SYT1: variants seen among roughly 807,000 people sequenced by gnomAD.
SYT1 encodes the protein synaptotagmin-1.
In SYT1, 8 loss-of-function variants were observed where a neutral mutation model predicts 44.8. The observed-to-expected ratio is 0.18, with a 90% CI of 0.10 to 0.32. SYT1 has a LOEUF of 0.32. SYT1 is among the 10% of genes least tolerant of loss of function. SYT1 has a pLI of 1.00. For synonymous variants in SYT1, 154 were observed against 188.8 expected (o/e 0.82, Z 1.51); for missense variants, 286 against 509.3 (o/e 0.56, Z 4.22).
chr12:79,060,326 A>C (rs969985660), intron 3 of SYT1, among the ~76,000 whole-genome samples: 1 of 151,920 alleles, frequency 6.6e-6, no homozygotes, highest in Non-Finnish European at 1.5e-5. Flanking sequence ...AATATATATA[A>C]CATCAAATTT....
intron 8 of SYT1, among the ~76,000 whole-genome samples, chr12:79,342,505 A>G (rs368015742): frequency 1.4e-4 from 22 of 152,328 alleles, no homozygotes; most frequent in African/African-American, 5.3e-4. Flanking sequence ...TGCGGGGATT[A>G]TAGGAGTGAG....
intron 1 of SYT1, among the ~76,000 whole-genome samples, chr12:78,876,846 A>G (rs11111697): frequency 1.5e-3 from 60 of 41,054 alleles, no homozygotes; most frequent in African/African-American, 9.0e-3. Context: ...TATATAATAT[A>G]TATTATATAT....
chr12:79,026,178 A>G (rs892281012), intron 2 of SYT1, among the ~76,000 whole-genome samples: 2 of 151,696 alleles, frequency 1.3e-5, no homozygotes, highest in African/African-American at 4.8e-5. Flanking sequence ...CAGATTGCTT[A>G]CAGCAGTTTA....
intron 4 of SYT1, among the ~76,000 whole-genome samples, chr12:79,280,164 A>T (rs1047912384): frequency 2.0e-5 from 3 of 152,154 alleles, no homozygotes; most frequent in Non-Finnish European, 4.4e-5. Flanking sequence ...TATGGAACCA[A>T]AAAAGAGCCT....
chr12:79,010,685 C>T (rs1214632742), intron 2 of SYT1, among the ~76,000 whole-genome samples: 1 of 152,140 alleles, frequency 6.6e-6, no homozygotes. Context: ...TGCCTTTGTT[C>T]CTTCACTACA....
chr12:79,012,105 C>T (rs974135301), intron 2 of SYT1, among the ~76,000 whole-genome samples: 2 of 143,052 alleles, frequency 1.4e-5, no homozygotes, highest in Non-Finnish European at 3.0e-5. Flanking sequence ...GCACTCCAGC[C>T]TGGGTGACAG....
intron 3 of SYT1, among the ~76,000 whole-genome samples, chr12:79,154,406 C>CTT (rs570100866): frequency 3.2e-4 from 46 of 141,942 alleles, no homozygotes; most frequent in Middle Eastern, 3.6e-3. Flanking sequence ...TTTTTTTCTC[C>CTT]TTTTTTTTTT....
rs1250995414 is a variant in SYT1 at position 79,413,833 on chromosome 12, T to C, written c.929-30240T>C. Among the ~76,000 whole-genome samples, 4 of 152,028 alleles carry C rather than the reference T, an allele frequency of 2.6e-5. No homozygotes were observed. The East Asian group carries it at 7.7e-4, about 29-fold the overall frequency. Reference sequence around the variant, plus strand: ...GTAATTGCATGCCTAAATAGTAAGGTACAAATAAAAACAGGAAGAAAAAAA... The same window carrying C: ...GTAATTGCATGCCTAAATAGTAAGGCACAAATAAAAACAGGAAGAAAAAAA... On this transcript the variant is annotated intron_variant, in intron 9 of 10. Transcript: ENST00000261205.
At chr12:79,178,369 T>C (rs893038535) in intron 3 of SYT1, among the ~76,000 whole-genome samples, 8 of 152,058 alleles carry the variant, frequency 5.3e-5, no homozygotes, top group Admixed American at 3.3e-4. Context: ...TTTTTCATGC[T>C]CGTATTGTCT....
intron 4 of SYT1, among the ~76,000 whole-genome samples, chr12:79,226,656 AAC>A (rs1218305413): frequency 6.6e-6 from 1 of 152,196 alleles, no homozygotes; most frequent in African/African-American, 2.4e-5. Flanking sequence ...AATGTTAGAA[AAC>A]ACTGCATCAT....
At chr12:79,226,000 C>A (rs7979638) in intron 4 of SYT1, among the ~76,000 whole-genome samples, 109,748 of 152,106 alleles carry the variant, frequency 0.72, 40,271 homozygotes, top group African/African-American at 0.82. Context: ...TGTAAGCTCT[C>A]TGAAGGCAAT....
At position 78,979,090 on chromosome 12, in the gene SYT1, T is replaced by A. The variant is rs149821095; in HGVS notation, c.-84+1159T>A. Among the ~76,000 whole-genome samples, 220 of 152,274 alleles carry A rather than the reference T, an allele frequency of 1.4e-3. 1 individual carries two copies. The highest frequency in any genetic ancestry group is 5.0e-3 in the African/African-American group (208 of 41,564). On this transcript the variant is annotated intron_variant, in intron 2 of 10. Coordinates refer to ENST00000261205, the MANE Select transcript of SYT1 (RefSeq NM_005639.3). ...TTTTTTCAAATTATCATTATTTCTT[T>A]ACATGGATTTCTTTTTAAACAAAGT...
At position 79,400,881 on chromosome 12, in the gene SYT1, A is replaced by T. The variant is rs141060729; in HGVS notation, c.929-43192A>T. ...CATCTAATCCCAAAGCAGAATACAGATCTCTTGTAGTTTCATTCACCCTTT... is the reference window on the plus strand; with the variant it reads ...CATCTAATCCCAAAGCAGAATACAGTTCTCTTGTAGTTTCATTCACCCTTT... On this transcript the variant is annotated intron_variant, in intron 9 of 10. Coordinates refer to ENST00000261205, the MANE Select transcript of SYT1 (RefSeq NM_005639.3). Among the ~76,000 whole-genome samples the T allele has an allele frequency of 5.2e-3, 798 of 152,334 alleles. 5 individuals carry two copies. Among genetic ancestry groups the T allele is most frequent in the African/African-American group, 0.017 (718 of 41,568 alleles).
At chr12:79,228,395 C>T (rs897636472) in intron 4 of SYT1, among the ~76,000 whole-genome samples, 10 of 152,110 alleles carry the variant, frequency 6.6e-5, no homozygotes, top group Admixed American at 5.2e-4. Flanking sequence ...AGATACTTCC[C>T]GATGTACAAT....
At chr12:79,056,720 T>G (rs575648919) in intron 3 of SYT1, among the ~76,000 whole-genome samples, 20 of 152,200 alleles carry the variant, frequency 1.3e-4, no homozygotes, top group African/African-American at 3.6e-4. Flanking sequence ...AACTCTCATT[T>G]TAAAAAATAA....
chr12:79,064,324 C>G (rs2137859860), intron 3 of SYT1, among the ~76,000 whole-genome samples: 1 of 152,118 alleles, frequency 6.6e-6, no homozygotes, highest in East Asian at 1.9e-4. Context: ...TTTCACTTAT[C>G]ACATAGTATT....
intron 1 of SYT1, among the ~76,000 whole-genome samples, chr12:78,942,775 T>C (rs1878448001): frequency 6.6e-6 from 1 of 152,200 alleles, no homozygotes; most frequent in African/African-American, 2.4e-5. Flanking sequence ...GGAACCAGCT[T>C]CCACTTTTCC....
chr12:79,433,341 T>C (rs1253655018), intron 9 of SYT1, among the ~76,000 whole-genome samples: 1 of 152,192 alleles, frequency 6.6e-6, no homozygotes, highest in Non-Finnish European at 1.5e-5. Flanking sequence ...TTTGTACTCA[T>C]GTTAAATTGT....
intron 4 of SYT1, among the ~76,000 whole-genome samples, chr12:79,217,893 A>G (rs1874912564): frequency 1.3e-5 from 1 of 77,008 alleles, no homozygotes; most frequent in Admixed American, 1.4e-4. Flanking sequence ...ATGAAAATCC[A>G]GTTTACAAAA....
Sources: allele counts gnomAD v4.1 joint callset (sites outside exome capture counted in the v4.1 genomes callset), GRCh38; gene constraint gnomAD v4.1.1; transcripts MANE v1.5; gene names NCBI Gene and HGNC (gene_info 2026-07-23, HGNC 2026-07-21).